TRIM44: variants seen among roughly 807,000 people sequenced by gnomAD.
The protein encoded by TRIM44 is tripartite motif containing 44, also known as tripartite motif-containing protein 44.
In TRIM44, 13 loss-of-function variants were observed where a neutral mutation model predicts 37.4. That is an observed-to-expected ratio of 0.35 (90% CI 0.23 to 0.55). TRIM44 has a LOEUF of 0.55. Ranked by LOEUF, TRIM44 falls within the 20% of genes least tolerant of loss-of-function variation. The pLI is 0.89. For missense variants in TRIM44, 426 were observed against 437.2 expected (o/e 0.97, Z 0.23); for synonymous variants, 175 against 157.2 (o/e 1.11, Z -0.85).
At chr11:35,780,550 C>T (rs898537339) in intron 4 of TRIM44, among the ~76,000 whole-genome samples, 1 of 152,158 alleles carries the variant, frequency 6.6e-6, no homozygotes, top group Non-Finnish European at 1.5e-5. Flanking sequence ...ATATTGTATG[C>T]TATCACGGTC....
intron 2 of TRIM44, among the ~76,000 whole-genome samples, chr11:35,705,611 C>A (rs1224516757): frequency 6.6e-6 from 1 of 150,394 alleles, no homozygotes; most frequent in Non-Finnish European, 1.5e-5. Flanking sequence ...AAGAAACTCA[C>A]TCAAAACTGC....
At chr11:35,782,668 A>G (rs1853081200) in intron 4 of TRIM44, among the ~76,000 whole-genome samples, 1 of 152,148 alleles carries the variant, frequency 6.6e-6, no homozygotes, top group Non-Finnish European at 1.5e-5. Context: ...TAATCAGGAA[A>G]GTAAACACTT....
Position 35,742,415 on chromosome 11 carries a change from TTAA to T in TRIM44, c.1007+6972_1007+6974del, listed in dbSNP as rs1337048656. 3.5e-5 allele frequency among the ~76,000 whole-genome samples: 5 copies of T among 141,648 alleles called. No homozygotes were observed. The East Asian group carries it at 1.0e-3, about 28-fold the overall frequency. The allele number at this position is 141,648 out of a possible 152,430, so 92.9% of individuals were successfully genotyped here. On this transcript the variant is annotated intron_variant, in intron 4 of 4. Transcript: ENST00000299413. ...ATATATAGGACAACAGTCCTAATAATTAATGTTAATATATTAATATTATATTAA... is the reference window on the plus strand; with the variant it reads ...ATATATAGGACAACAGTCCTAATAATTGTTAATATATTAATATTATATTAA...
chr11:35,747,395 C>A (rs192929209), intron 4 of TRIM44, among the ~76,000 whole-genome samples: 1 of 152,100 alleles, frequency 6.6e-6, no homozygotes, highest in Admixed American at 6.5e-5. Context: ...GTGACTAAGC[C>A]GTGATCACAC....
chr11:35,723,730 A>G (rs1316321350), intron 2 of TRIM44, among the ~76,000 whole-genome samples: 1 of 152,188 alleles, frequency 6.6e-6, no homozygotes, highest in Non-Finnish European at 1.5e-5. Context: ...AGTCTAGTAA[A>G]ATAGGTTGTG....
At chr11:35,703,987 A>G (rs1851836396) in intron 2 of TRIM44, among the ~76,000 whole-genome samples, 1 of 152,114 alleles carries the variant, frequency 6.6e-6, no homozygotes, top group Non-Finnish European at 1.5e-5. Flanking sequence ...ATTCAAACCA[A>G]AGGCAAAGAA....
intron 4 of TRIM44, among the ~76,000 whole-genome samples, chr11:35,743,160 G>C (rs1420810383): frequency 2.0e-5 from 3 of 152,076 alleles, no homozygotes; most frequent in African/African-American, 7.2e-5. Context: ...AAGTAGGAAG[G>C]CTCAAGGAGT....
chr11:35,684,272 C>T (rs943400168), intron 1 of TRIM44, among the ~76,000 whole-genome samples: 1 of 152,000 alleles, frequency 6.6e-6, no homozygotes, highest in African/African-American at 2.4e-5. Flanking sequence ...AAAAAAAAAT[C>T]TCATGTTGAA....
chr11:35,671,553 T>G (rs1353934103), intron 1 of TRIM44, among the ~76,000 whole-genome samples: 1 of 152,218 alleles, frequency 6.6e-6, no homozygotes, highest in Admixed American at 6.5e-5. Flanking sequence ...CCTCAGTGTT[T>G]AACCAGGCTG....
At position 35,809,763 on chromosome 11, in the gene TRIM44, C is replaced by T. The variant is rs1297748080; in HGVS notation, c.*3378C>T. Reference sequence around the variant, plus strand: ...TGTGAGGATGTGGCAATTCAAAGTCCAGTGAATCTGGACTCTCTTACTGAT... The same window carrying T: ...TGTGAGGATGTGGCAATTCAAAGTCTAGTGAATCTGGACTCTCTTACTGAT... On this transcript the variant is annotated 3_prime_UTR_variant, in exon 5 of 5. Transcript: ENST00000299413. The T allele has an allele frequency of 6.6e-6, 1 of 152,000 alleles. No homozygotes were observed. The highest frequency in any genetic ancestry group is 6.6e-5 in the Admixed American group (1 of 15,246). The allele number at this position is 152,000 out of a possible 1,614,324, so 9.4% of individuals were successfully genotyped here. A position where few individuals can be genotyped will look rare whatever the true frequency, so the allele number is the denominator to read the frequency against.
At chr11:35,765,525 A>G (rs1250623577) in intron 4 of TRIM44, among the ~76,000 whole-genome samples, 1 of 152,206 alleles carries the variant, frequency 6.6e-6, no homozygotes. Context: ...CCTAATGGTA[A>G]GCTCTGTTAG....
chr11:35,749,833 C>A (rs552885387), intron 4 of TRIM44, among the ~76,000 whole-genome samples: 1 of 152,214 alleles, frequency 6.6e-6, no homozygotes, highest in Non-Finnish European at 1.5e-5. Flanking sequence ...TTGACTGACA[C>A]AGTAATTATG....
chr11:35,669,737 C>A (rs1244255626), intron 1 of TRIM44, among the ~76,000 whole-genome samples: 1 of 152,034 alleles, frequency 6.6e-6, no homozygotes, highest in Admixed American at 6.6e-5. Context: ...CCTTGGCCTC[C>A]CAAAGTGCTG....
chr11:35,699,867 A>C (rs1364121746), intron 2 of TRIM44, among the ~76,000 whole-genome samples: 2 of 152,124 alleles, frequency 1.3e-5, no homozygotes. Context: ...AAAGAGACTA[A>C]AATATCTAGG....
intron 4 of TRIM44, among the ~76,000 whole-genome samples, chr11:35,793,808 C>G (rs1565033006): frequency 6.6e-6 from 1 of 152,142 alleles, no homozygotes; most frequent in Non-Finnish European, 1.5e-5. Context: ...TCAGCGCTGC[C>G]TAGGATTGTG....
chr11:35,750,892 A>G (rs1279940067), intron 4 of TRIM44, among the ~76,000 whole-genome samples: 1 of 152,178 alleles, frequency 6.6e-6, no homozygotes, highest in Non-Finnish European at 1.5e-5. Flanking sequence ...TCCTGGGAAA[A>G]GGAGGCCCAG....
chr11:35,782,475 G>A (rs947515886), intron 4 of TRIM44, among the ~76,000 whole-genome samples: 8 of 152,224 alleles, frequency 5.3e-5, no homozygotes, highest in East Asian at 1.9e-4. Context: ...AATAAATTTG[G>A]AGATGAGTGA....
At chr11:35,801,096 C>T (rs190326829) in intron 4 of TRIM44, among the ~76,000 whole-genome samples, 2 of 152,338 alleles carry the variant, frequency 1.3e-5, no homozygotes, top group East Asian at 3.9e-4. Flanking sequence ...AGGCAACTCG[C>T]TCTGTCTAGT....
chr11:35,798,217 T>C (rs1378306675), intron 4 of TRIM44, among the ~76,000 whole-genome samples: 6 of 152,182 alleles, frequency 3.9e-5, no homozygotes, highest in Admixed American at 2.0e-4. Flanking sequence ...AAGGAAGCAA[T>C]TGGATATGCA....
Sources: gnomAD v4.1 joint callset for allele counts (sites outside exome capture counted in the v4.1 genomes callset) on GRCh38, gnomAD v4.1.1 for gene constraint, MANE v1.5 for transcripts, NCBI Gene and HGNC (gene_info 2026-07-23, HGNC 2026-07-21) for gene names.